The following KCTD16 variants were observed in gnomAD, a reference collection of about 807,000 sequenced individuals.
KCTD16 encodes potassium channel tetramerization domain containing 16, also known as BTB/POZ domain-containing protein KCTD16.
A neutral mutation model predicts 33.2 loss-of-function variants in KCTD16; 13 were observed. That is an observed-to-expected ratio of 0.39 (90% confidence interval 0.25 to 0.62). The LOEUF is 0.62. KCTD16 is among the 20% of genes least tolerant of loss of function. The pLI, the probability that KCTD16 is intolerant of heterozygous loss-of-function variation, is 0.50. For synonymous variants in KCTD16, 197 were observed against 195.3 expected (o/e 1.01, Z -0.07); for missense variants, 441 against 525.1 (o/e 0.84, Z 1.57).
chr5:144,184,335 C>A (rs915834355), intron 2 of KCTD16, among the ~76,000 whole-genome samples: 2 of 152,136 alleles, frequency 1.3e-5, no homozygotes, highest in South Asian at 4.1e-4. Context: ...TTATGACTGG[C>A]TTATTTCACT....
chr5:144,259,287 G>T (rs1388622726), intron 3 of KCTD16, among the ~76,000 whole-genome samples: 1 of 134,986 alleles, frequency 7.4e-6, no homozygotes, highest in Non-Finnish European at 1.7e-5. Context: ...AAAAAAAAGG[G>T]ATGAAGCATG....
At chr5:144,270,645 A>C (rs2126846455) in intron 3 of KCTD16, among the ~76,000 whole-genome samples, 1 of 150,436 alleles carries the variant, frequency 6.6e-6, no homozygotes, top group African/African-American at 2.4e-5. Context: ...AAAAAAGGGC[A>C]AGCTAAACTC....
At chr5:144,450,133 A>T (rs1753908128) in intron 3 of KCTD16, among the ~76,000 whole-genome samples, 4 of 152,026 alleles carry the variant, frequency 2.6e-5, no homozygotes. Flanking sequence ...TTAAAACTGG[A>T]AAAAGAACTG....
chr5:144,474,437 C>T lies in KCTD16; in HGVS notation c.*323C>T. Reference sequence around the variant, plus strand: ...TGAGAGGCCTTGGGAGTCATTTATCCCAAACTGGGTTTTTTCTCTCATCCT... The same window carrying T: ...TGAGAGGCCTTGGGAGTCATTTATCTCAAACTGGGTTTTTTCTCTCATCCT... On this transcript the variant is annotated 3_prime_UTR_variant, in exon 4 of 4. Transcript: ENST00000512467. 1 of 211,266 alleles carries T rather than the reference C, an allele frequency of 4.7e-6. No individual in the cohort carries two copies. Among genetic ancestry groups the T allele is most frequent in the Non-Finnish European group, 9.5e-6 (1 of 105,442 alleles). The allele number at this position is 211,266 out of a possible 1,614,324, so 13.1% of individuals were successfully genotyped here. A position where few individuals can be genotyped will look rare whatever the true frequency, so the allele number is the denominator to read the frequency against.
At chr5:144,360,492 G>A (rs193068322) in intron 3 of KCTD16, among the ~76,000 whole-genome samples, 4,003 of 151,624 alleles carry the variant, frequency 0.026, 82 homozygotes, top group Non-Finnish European at 0.039. Context: ...AGTGCAGTGG[G>A]GTGATCTCAG....
chr5:144,267,637 T>G (rs886663199), intron 3 of KCTD16, among the ~76,000 whole-genome samples: 1 of 152,192 alleles, frequency 6.6e-6, no homozygotes, highest in African/African-American at 2.4e-5. Context: ...GGTCAACATT[T>G]TCTTTCCCAT....
chr5:144,420,205 G>A (rs889629515), intron 3 of KCTD16, among the ~76,000 whole-genome samples: 1 of 152,170 alleles, frequency 6.6e-6, no homozygotes, highest in Non-Finnish European at 1.5e-5. Context: ...TGTTCTGTGC[G>A]TTATAGGATA....
intron 3 of KCTD16, among the ~76,000 whole-genome samples, chr5:144,415,981 A>G (rs1242223826): frequency 1.6e-4 from 24 of 152,196 alleles, no homozygotes; most frequent in Admixed American, 6.6e-5. Flanking sequence ...GATTACACAG[A>G]TAATCTTACA....
Position 144,485,367 on chromosome 5 carries a change from A to G in KCTD16, c.*11253A>G, listed in dbSNP as rs1273736319. On this transcript the variant is annotated 3_prime_UTR_variant, in exon 4 of 4. Transcript: ENST00000512467. Reference sequence around the variant, plus strand: ...ATTACTACCATCTATTCTCACTGCCAATGGAAACAAACTACTCTTTTCTTT... The same window carrying G: ...ATTACTACCATCTATTCTCACTGCCGATGGAAACAAACTACTCTTTTCTTT... 1.3e-5 allele frequency: 2 copies of G among 151,892 alleles called. No individual in the cohort carries two copies. Among genetic ancestry groups the G allele is most frequent in the Non-Finnish European group, 2.9e-5 (2 of 67,890 alleles). The allele number at this position is 151,892 out of a possible 1,614,324, so 9.4% of individuals were successfully genotyped here.
intron 3 of KCTD16, among the ~76,000 whole-genome samples, chr5:144,298,063 C>G (rs1334727873): frequency 2.6e-5 from 4 of 152,176 alleles, no homozygotes. Context: ...GGGCTAAAGG[C>G]TTGCCATTGT....
chr5:144,483,048 T>G lies in KCTD16; in HGVS notation c.*8934T>G, dbSNP rs1405518223. 6.6e-6 allele frequency: 1 copy of G among 151,252 alleles called. No individual in the cohort carries two copies. Among genetic ancestry groups the G allele is most frequent in the African/African-American group, 2.4e-5 (1 of 41,234 alleles). The allele number at this position is 151,252 out of a possible 1,614,324, so 9.4% of individuals were successfully genotyped here. ...GAATAATAAACCAAAAAAAGTGCAT[T>G]TAAGGAAACACCAAACTTGTAAAAA... On this transcript the variant is annotated 3_prime_UTR_variant, in exon 4 of 4. Coordinates refer to ENST00000512467, the MANE Select transcript of KCTD16 (RefSeq NM_020768.4).
intron 2 of KCTD16, among the ~76,000 whole-genome samples, chr5:144,186,024 G>A (rs886151203): frequency 1.3e-5 from 2 of 152,138 alleles, no homozygotes; most frequent in Non-Finnish European, 2.9e-5. Flanking sequence ...ATGAAGTCAA[G>A]ATTTGAACTC....
At chr5:144,292,798 G>T (rs1431558433) in intron 3 of KCTD16, among the ~76,000 whole-genome samples, 2 of 152,146 alleles carry the variant, frequency 1.3e-5, no homozygotes, top group Non-Finnish European at 2.9e-5. Flanking sequence ...CCCCTCAAGA[G>T]CAACCAGTGA....
At chr5:144,372,980 A>G (rs1261103334) in intron 3 of KCTD16, among the ~76,000 whole-genome samples, 1 of 152,160 alleles carries the variant, frequency 6.6e-6, no homozygotes, top group African/African-American at 2.4e-5. Flanking sequence ...AATCTGGGGT[A>G]GTCTAAACTT....
rs979798359 is a variant in KCTD16 at position 144,480,646 on chromosome 5, A to G, written c.*6532A>G. 4 of 151,882 alleles carry G rather than the reference A, an allele frequency of 2.6e-5. No homozygotes were observed. Among genetic ancestry groups the G allele is most frequent in the Admixed American group, 1.3e-4 (2 of 15,214 alleles). The allele number at this position is 151,882 out of a possible 1,614,324, so 9.4% of individuals were successfully genotyped here. A position where few individuals can be genotyped will look rare whatever the true frequency, so the allele number is the denominator to read the frequency against. On this transcript the variant is annotated 3_prime_UTR_variant, in exon 4 of 4. Transcript: ENST00000512467. Reference sequence around the variant, plus strand: ...TCAACCAGGAGTGGTTTTGCATACCAGAGATCTTTTGGCAATGCCTGGAGA... The same window carrying G: ...TCAACCAGGAGTGGTTTTGCATACCGGAGATCTTTTGGCAATGCCTGGAGA...
chr5:144,199,485 A>G (rs998668392), intron 2 of KCTD16, among the ~76,000 whole-genome samples: 3 of 152,220 alleles, frequency 2.0e-5, no homozygotes, highest in Non-Finnish European at 2.9e-5. Context: ...AAAATAGTGC[A>G]TGTGGATTTA....
At chr5:144,401,516 T>G (rs893057905) in intron 3 of KCTD16, among the ~76,000 whole-genome samples, 3 of 152,190 alleles carry the variant, frequency 2.0e-5, no homozygotes, top group Admixed American at 1.3e-4. Context: ...TACCTCTGAT[T>G]TAGCTGATGG....
chr5:144,202,652 G>A (rs1753070738), intron 2 of KCTD16, among the ~76,000 whole-genome samples: 1 of 152,160 alleles, frequency 6.6e-6, no homozygotes, highest in Non-Finnish European at 1.5e-5. Flanking sequence ...CCCAAATAGA[G>A]TTAGCAAAGC....
intron 3 of KCTD16, among the ~76,000 whole-genome samples, chr5:144,273,686 A>G (rs997957953): frequency 1.2e-4 from 18 of 149,506 alleles, no homozygotes; most frequent in African/African-American, 3.5e-4. Flanking sequence ...AAAGACAAAT[A>G]CTTTATGGTG....
Sources: gnomAD v4.1 joint callset for allele counts (sites outside exome capture counted in the v4.1 genomes callset) on GRCh38, gnomAD v4.1.1 for gene constraint, MANE v1.5 for transcripts, NCBI Gene and HGNC (gene_info 2026-07-23, HGNC 2026-07-21) for gene names.